The following UTP20 variants were observed in gnomAD, a reference collection of about 807,000 sequenced individuals.
UTP20 encodes the protein UTP20 small subunit processome component.
UTP20 carries 164 observed loss-of-function variants against 329.5 expected under a neutral mutation model. The ratio of observed to expected loss-of-function variants is 0.50; its 90% CI spans 0.44 to 0.57. The LOEUF (loss-of-function observed/expected upper bound fraction) is 0.57, where lower values mean the gene tolerates loss of function less well. Ranked by LOEUF, UTP20 falls within the 20% of genes least tolerant of loss-of-function variation. The pLI is 0.00. For synonymous variants in UTP20, 1,151 were observed against 1,159.3 expected, an observed-to-expected ratio of 0.99 and a Z score of 0.14; for missense variants, 3,055 against 3,284.2, an observed-to-expected ratio of 0.93 and a Z score of 1.71.
At chr12:101,384,472 T>A (rs1160489133) in intron 60 of UTP20, among the ~76,000 whole-genome samples, 1 of 152,134 alleles carries the variant, frequency 6.6e-6, no homozygotes, top group East Asian at 1.9e-4. Flanking sequence ...GGCTGTGAGG[T>A]CGAGGCTTCA....
At chr12:101,373,086 T>C (rs1183398496) in intron 52 of UTP20, 123 bp downstream of exon 52, 8 of 803,112 alleles carry the variant, frequency 1.0e-5, no homozygotes, top group South Asian at 3.3e-5. Flanking sequence ...CATACTGTTA[T>C]ATGACTCATT....
At chr12:101,365,072 TTGTG>T (rs60890980) in intron 45 of UTP20, among the ~76,000 whole-genome samples, 4,833 of 141,962 alleles carry the variant, frequency 0.034, 102 homozygotes, top group South Asian at 0.068. Flanking sequence ...ATTTTGTTGA[TTGTG>T]TGTGTGTGTG....
Position 101,329,252 on chromosome 12 carries a change from T to G in UTP20, c.3220T>G (p.Ser1074Ala). ...VRHFKNGECH[S>A]AVIQAVEDLD... ...CTTTGTTTCACTAGGAGAGTGCCAT[T>G]CTGCAGTCATTCAAGCAGTAGAAGA... Residue 1074 changes from serine to alanine, a missense_variant, in exon 27 of 62, where the codon TCT becomes GCT. Ser to Ala is a moderately conservative substitution (Grantham distance 99). Transcript: ENST00000261637. The G allele has an allele frequency of 6.2e-7, 1 of 1,614,100 alleles. No homozygotes were observed. Among genetic ancestry groups the G allele is most frequent in the Non-Finnish European group, 8.5e-7 (1 of 1,180,002 alleles).
chr12:101,365,319 A>G, intron 45 of UTP20, 140 bp from the exon 46 acceptor site: 1 of 619,564 alleles, frequency 1.6e-6, no homozygotes. Context: ...CTGTGTTTGA[A>G]ATTATATTAA....
chr12:101,310,993 G>A (rs1306970355), intron 19 of UTP20, among the ~76,000 whole-genome samples: 1 of 152,172 alleles, frequency 6.6e-6, no homozygotes, highest in African/African-American at 2.4e-5. Flanking sequence ...AACAGTGTTG[G>A]TTCTTTAATT....
intron 43 of UTP20, among the ~76,000 whole-genome samples, chr12:101,360,143 A>G (rs1869863739): frequency 6.6e-6 from 1 of 152,226 alleles, no homozygotes; most frequent in South Asian, 2.1e-4. Context: ...AGTTGAGAGA[A>G]CAACTGATTT....
Position 101,306,006 on chromosome 12 carries a change from G to A in UTP20, c.1873G>A (p.Glu625Lys). ...LCGCKGPLSQEALMELFPKLQ... is the reference protein window; with the variant it reads ...LCGCKGPLSQKALMELFPKLQ... ...TGGCTGCAAAGGGCCACTTTCCCAG[G>A]AGGCTTTAATGGAATTATTTCCCAA... The change falls in exon 16 of 62, where the codon GAG becomes AAG. Residue 625 changes from glutamate (E) to lysine (K), a missense_variant. By Grantham distance (56) the Glu-to-Lys change is moderately conservative (BLOSUM62 1). Around this residue, in one of 3 missense-constraint regions of UTP20, gnomAD observed 2,445 missense variants for 2,575.5 expected, o/e 0.95. Transcript: ENST00000261637. 2 of 1,613,860 alleles carry A rather than the reference G, an allele frequency of 1.2e-6. No individual in the cohort carries two copies. The highest frequency in any genetic ancestry group is 2.2e-5 in the South Asian group (2 of 91,038).
chr12:101,327,177 C>T lies in UTP20; in HGVS notation c.3138C>T (p.Ala1046=), dbSNP rs201637301. The change falls in exon 26 of 62, where the codon GCC becomes GCT. Residue 1046 remains alanine (A), a synonymous_variant. Transcript: ENST00000261637. ...TRMAIVLRFL[A]GTQPEEIQIF... is the part of the protein sequence containing the mutation. ...TGGCCATTGTCCTGCGGTTCCTGGC[C>T]GGGACCCAACCTGAGGAGATCCAGA... The T allele has an allele frequency of 1.3e-5, 21 of 1,613,032 alleles. No homozygotes were observed. Among genetic ancestry groups the T allele is most frequent in the East Asian group, 8.9e-5 (4 of 44,846 alleles).
In UTP20 at chr12:101,342,966, TTGA is replaced by T. The variant is rs1309766041; in HGVS notation, c.4327_4329del (p.Asp1443del). The T allele has an allele frequency of 6.2e-7, 1 of 1,613,742 alleles. No individual in the cohort carries two copies. Among genetic ancestry groups the T allele is most frequent in the Admixed American group, 1.7e-5 (1 of 59,966 alleles). ...CTTAACGCCTTCGATCAAAGACATC[TTGA>T]TGATATCAACTTCGACGTTCGCTTT... On this transcript the variant is annotated inframe_deletion, in exon 35 of 62. Transcript: ENST00000261637.
intron 5 of UTP20, among the ~76,000 whole-genome samples, chr12:101,287,016 A>G (rs1342157585): frequency 6.6e-6 from 1 of 152,170 alleles, no homozygotes; most frequent in Non-Finnish European, 1.5e-5. Flanking sequence ...AAGAGAATGA[A>G]TTTTGTAGTA....
chr12:101,333,369 C>A lies in UTP20; in HGVS notation c.3486C>A (p.Ile1162=), dbSNP rs948677477. ...RRLGIKMVTD[I]FLDWESYQFR... ...TTGGAATCAAAATGGTAACTGATATCTTTTTGGACTGGGAATCATATCAGT... is the reference window on the plus strand; with the variant it reads ...TTGGAATCAAAATGGTAACTGATATATTTTTGGACTGGGAATCATATCAGT... Residue 1162 remains isoleucine (I), a synonymous_variant, in exon 28 of 62, where the codon ATC becomes ATA. Transcript: ENST00000261637. The A allele has an allele frequency of 1.3e-5, 21 of 1,613,794 alleles. No individual in the cohort carries two copies. Among genetic ancestry groups the A allele is most frequent in the Non-Finnish European group, 1.7e-5 (20 of 1,179,892 alleles).
chr12:101,287,226 G>A (rs972202054), intron 5 of UTP20, among the ~76,000 whole-genome samples: 2 of 152,072 alleles, frequency 1.3e-5, no homozygotes, highest in East Asian at 1.9e-4. Context: ...TATGCCACCC[G>A]TTTCACTCAG....
At chr12:101,291,939 G>T (rs1218633646) in intron 9 of UTP20, 31 bp from the exon 10 acceptor site, 1 of 1,609,288 alleles carries the variant, frequency 6.2e-7, no homozygotes, top group African/African-American at 1.3e-5. Flanking sequence ...AAAGCTGATT[G>T]CTGAGTATGC....
rs769717548 is a variant in UTP20 at position 101,352,105 on chromosome 12, A to C, written c.4935A>C (p.Lys1645Asn). ...CAGAGATTATTGGAGCCATTTGCAA[A>C]CATCTCTCTTGGTCAGCGTATATGT... is the stretch of plus-strand genomic sequence containing the variant. The part of the protein sequence containing the change: ...AATEIIGAIC[K>N]HLSWSAYMYY... Residue 1645 changes from lysine to asparagine, a missense_variant, in exon 39 of 62, where the codon AAA becomes AAC. By Grantham distance (94) the Lys-to-Asn change is moderately conservative. Coordinates refer to ENST00000261637, the MANE Select transcript of UTP20 (RefSeq NM_014503.3). 5 of 1,613,872 alleles carry C rather than the reference A, an allele frequency of 3.1e-6. No individual in the cohort carries two copies. The East Asian group carries it at 1.1e-4, about 36-fold the overall frequency.
rs1472228903 is a variant in UTP20, at chr12:101,312,154, C to T, written c.2430C>T (p.Asp810=). The stretch of plus-strand genomic sequence containing the variant: ...ATGAGCAGTTAGCATTGAAAACTGA[C>T]TGTCAGGAAAGACTTGACCACACCA... ...LYHEQLALKT[D]CQERLDHTNF... is the part of the protein sequence containing the mutation. The change falls in exon 21 of 62, where the codon GAC becomes GAT. Residue 810 remains aspartate, a synonymous_variant. Transcript: ENST00000261637. 1 of 1,614,124 alleles carries T rather than the reference C, an allele frequency of 6.2e-7. No individual in the cohort carries two copies. The highest frequency in any genetic ancestry group is 8.5e-7 in the Non-Finnish European group (1 of 1,180,056).
rs1870809415 is a variant in UTP20 at position 101,385,859 on chromosome 12, CAG to C, written c.8203-107_8203-106del. 2.1e-6 allele frequency: 3 copies of C among 1,462,498 alleles called. No individual in the cohort carries two copies. In the South Asian group the frequency reaches 4.0e-5, roughly 19 times the overall value. 90.6% of individuals were successfully genotyped at this position (1,462,498 alleles called of 1,614,324 possible). On this transcript the variant is annotated intron_variant, in intron 61 of 61. Transcript: ENST00000261637. ...GTTGGGGACTTTATAGCTGGGACTT[CAG>C]ATTTTCTTTAATGAGCATGTGTTTT...
At chr12:101,355,560 G>T (rs1869691483) in intron 41 of UTP20, among the ~76,000 whole-genome samples, 1 of 152,072 alleles carries the variant, frequency 6.6e-6, no homozygotes, top group African/African-American at 2.4e-5. Context: ...GCCAACTATG[G>T]CTCAGGGACT....
intron 17 of UTP20, among the ~76,000 whole-genome samples, chr12:101,307,979 T>C (rs75958347): frequency 1.0e-3 from 158 of 152,306 alleles, no homozygotes; most frequent in African/African-American, 3.6e-3. Flanking sequence ...TTGTCATTTA[T>C]GCACTAGACA....
intron 40 of UTP20, among the ~76,000 whole-genome samples, 167 bp from the exon 41 acceptor site, chr12:101,354,665 T>C (rs1869655332): frequency 6.6e-6 from 1 of 152,170 alleles, no homozygotes; most frequent in Non-Finnish European, 1.5e-5. Context: ...GCAAAACCCA[T>C]GGCCCTCTCA....
Sources: gnomAD v4.1 joint callset for allele counts (sites outside exome capture counted in the v4.1 genomes callset) on GRCh38, gnomAD v4.1.1 for gene constraint, gnomAD v4.1.1 regional missense constraint, MANE v1.5 for transcripts, NCBI Gene and HGNC (gene_info 2026-07-23, HGNC 2026-07-21) for gene names.